MACROD2: variants seen among roughly 807,000 people sequenced by gnomAD.
MACROD2 encodes mono-ADP ribosylhydrolase 2, also known as ADP-ribose glycohydrolase MACROD2.
Under a neutral mutation model 70.4 loss-of-function variants are expected in MACROD2, and 36 were observed. The ratio of observed to expected loss-of-function variants is 0.51; its 90% confidence interval spans 0.39 to 0.68. MACROD2 has a LOEUF of 0.68. MACROD2 is among the 30% of genes least tolerant of loss of function. The pLI is 0.00. For missense variants in MACROD2, 496 were observed against 538.4 expected (o/e 0.92, Z 0.78); for synonymous variants, 172 against 178.8 (o/e 0.96, Z 0.30).
chr20:14,074,218 C>G (rs985249402), intron 2 of MACROD2, among the ~76,000 whole-genome samples: 1 of 152,132 alleles, frequency 6.6e-6, no homozygotes, highest in Admixed American at 6.5e-5. Flanking sequence ...GAGCTCAGTT[C>G]GATACTGACG....
intron 3 of MACROD2, among the ~76,000 whole-genome samples, chr20:14,157,912 G>A (rs967586936): frequency 1.3e-5 from 2 of 152,042 alleles, no homozygotes; most frequent in South Asian, 2.1e-4. Context: ...TTCAACATAT[G>A]GATTTATTTT....
intron 6 of MACROD2, among the ~76,000 whole-genome samples, chr20:15,347,936 G>T (rs1199232460): frequency 6.6e-6 from 1 of 152,148 alleles, no homozygotes; most frequent in Non-Finnish European, 1.5e-5. Context: ...CTTGTAGATG[G>T]CACCCTGTAT....
intron 6 of MACROD2, among the ~76,000 whole-genome samples, chr20:15,236,311 C>A (rs1040976407): frequency 6.6e-6 from 1 of 152,044 alleles, no homozygotes; most frequent in Non-Finnish European, 1.5e-5. Context: ...AGGAGGAGGG[C>A]GGGCATGGAA....
chr20:14,896,618 C>G (rs895492087), intron 5 of MACROD2, among the ~76,000 whole-genome samples: 1 of 151,530 alleles, frequency 6.6e-6, no homozygotes, highest in Non-Finnish European at 1.5e-5. Flanking sequence ...AGAAGGTTCT[C>G]CTTATATGGA....
intron 7 of MACROD2, among the ~76,000 whole-genome samples, chr20:15,446,718 G>T (rs994356399): frequency 3.3e-5 from 5 of 152,332 alleles, no homozygotes; most frequent in African/African-American, 9.6e-5. Flanking sequence ...AAGCCGGAAA[G>T]ATCTGCTGGC....
intron 3 of MACROD2, among the ~76,000 whole-genome samples, chr20:14,382,754 C>G (rs1425889909): frequency 2.0e-5 from 3 of 152,032 alleles, no homozygotes; most frequent in Non-Finnish European, 4.4e-5. Context: ...GCCAAGTATT[C>G]TATGTTTTCA....
intron 13 of MACROD2, among the ~76,000 whole-genome samples, chr20:15,976,065 G>C (rs2066301812): frequency 6.6e-6 from 1 of 152,154 alleles, no homozygotes; most frequent in African/African-American, 2.4e-5. Flanking sequence ...AACAGTCTTT[G>C]TTCTTAAGAA....
chr20:14,577,835 A>AAGAGAAGAGAAGAGAAGAGT (rs1464822138), intron 4 of MACROD2, among the ~76,000 whole-genome samples: 1 of 151,832 alleles, frequency 6.6e-6, no homozygotes, highest in South Asian at 2.1e-4. Flanking sequence ...AAGAGAAGAG[A>AAGAGAAGAGAAGAGAAGAGT]AAACAACTAT....
chr20:15,967,752 A>G (rs2147409373), intron 13 of MACROD2, 122 bp downstream of exon 13: 1 of 777,032 alleles, frequency 1.3e-6, no homozygotes, highest in Non-Finnish European at 2.0e-6. Context: ...ATAACACTTT[A>G]TTAGCACTGA....
At chr20:15,899,256 G>A (rs6043603) in intron 10 of MACROD2, among the ~76,000 whole-genome samples, 16,603 of 151,772 alleles carry the variant, frequency 0.11, 1,196 homozygotes, top group African/African-American at 0.21. Flanking sequence ...ATGTACACAC[G>A]TGTATATATG....
chr20:15,117,057 G>T (rs1395406658), intron 5 of MACROD2, among the ~76,000 whole-genome samples: 1 of 152,092 alleles, frequency 6.6e-6, no homozygotes, highest in Non-Finnish European at 1.5e-5. Context: ...GTAGTCCTAA[G>T]AATGACCATG....
At chr20:15,930,780 A>T (rs2065564659) in intron 10 of MACROD2, among the ~76,000 whole-genome samples, 1 of 152,222 alleles carries the variant, frequency 6.6e-6, no homozygotes, top group South Asian at 2.1e-4. Context: ...GAAGCAGTAG[A>T]CTAGGTAAAC....
At chr20:15,203,970 G>A (rs770135662) in intron 5 of MACROD2, among the ~76,000 whole-genome samples, 2 of 152,002 alleles carry the variant, frequency 1.3e-5, no homozygotes, top group Non-Finnish European at 2.9e-5. Context: ...AGTGTGAATG[G>A]TATAAAATAT....
At chr20:15,129,572 T>A (rs2076090384) in intron 5 of MACROD2, among the ~76,000 whole-genome samples, 1 of 152,160 alleles carries the variant, frequency 6.6e-6, no homozygotes, top group African/African-American at 2.4e-5. Flanking sequence ...TTTTCTTGTA[T>A]AACTGTGGCT....
chr20:15,757,965 G>A (rs1334493201), intron 8 of MACROD2, among the ~76,000 whole-genome samples: 2 of 152,160 alleles, frequency 1.3e-5, no homozygotes, highest in Non-Finnish European at 2.9e-5. Flanking sequence ...TTCTGACTTT[G>A]TATCTACTCC....
intron 8 of MACROD2, among the ~76,000 whole-genome samples, chr20:15,668,516 C>T (rs540507790): frequency 8.9e-4 from 136 of 151,982 alleles, no homozygotes; most frequent in East Asian, 3.9e-3. Context: ...TGCAGTGAGC[C>T]GAGGTCATGC....
rs936321110 is a variant in MACROD2, at chr20:15,143,544, T to C, written c.419-86396T>C. ...AGATCCCATTTGTCTATTTTGGCTT[T>C]TGTTGCCATTGCTTTTGGTGTTTTA... On this transcript the variant is annotated intron_variant, in intron 5 of 17. Transcript: ENST00000684519. 3.9e-5 allele frequency among the ~76,000 whole-genome samples: 6 copies of C among 152,164 alleles called. No individual in the cohort carries two copies. In the South Asian group the frequency reaches 1.2e-3, roughly 31 times the overall value.
At chr20:14,784,713 A>G (rs887898936) in intron 5 of MACROD2, among the ~76,000 whole-genome samples, 1 of 151,250 alleles carries the variant, frequency 6.6e-6, no homozygotes, top group African/African-American at 2.4e-5. Context: ...TAGGGAAAAC[A>G]TACACTTGAA....
At chr20:14,061,782 GAGTC>G (rs1472100174) in intron 2 of MACROD2, among the ~76,000 whole-genome samples, 1 of 152,168 alleles carries the variant, frequency 6.6e-6, no homozygotes, top group Non-Finnish European at 1.5e-5. Context: ...AAGACACACT[GAGTC>G]AGTAAGCTGA....
Sources: gnomAD v4.1 joint callset for allele counts (sites outside exome capture counted in the v4.1 genomes callset) on GRCh38, gnomAD v4.1.1 for gene constraint, MANE v1.5 for transcripts, NCBI Gene and HGNC (gene_info 2026-07-23, HGNC 2026-07-21) for gene names.